Variants in DNAH11 observed in about 807,000 individuals in gnomAD.
DNAH11 encodes axonemal beta dynein heavy chain 11.
Under a neutral mutation model 526.0 loss-of-function variants are expected in DNAH11, and 442 were observed. The ratio of observed to expected loss-of-function variants is 0.84; its 90% confidence interval spans 0.78 to 0.91. DNAH11 has a LOEUF of 0.91. Among genes scored for constraint, DNAH11 ranks in the 40% least tolerant of loss-of-function variants. The pLI is 0.00. For missense variants in DNAH11, 6,989 were observed against 5,448.7 expected (o/e 1.28, Z -8.90); for synonymous variants, 2,461 against 1,935.9 (o/e 1.27, Z -7.12).
intron 40 of DNAH11, among the ~76,000 whole-genome samples, chr7:21,708,680 A>C (rs1337985722): frequency 6.6e-6 from 1 of 152,078 alleles, no homozygotes. Flanking sequence ...ACTTACTATA[A>C]GCCATTCATT....
At chr7:21,869,373 T>A (rs1783412269) in intron 73 of DNAH11, among the ~76,000 whole-genome samples, 1 of 151,960 alleles carries the variant, frequency 6.6e-6, no homozygotes, top group African/African-American at 2.4e-5. Flanking sequence ...TTTTAATGTA[T>A]ATTGTTGTTG....
At chr7:21,867,743 A>C in intron 71 of DNAH11, 116 bp from the exon 72 acceptor site, 1 of 866,250 alleles carries the variant, frequency 1.2e-6, no homozygotes, top group Admixed American at 2.4e-5. Context: ...AAGACATCCC[A>C]TGTAATAAAC....
chr7:21,547,163 C>G (rs1352250548), intron 2 of DNAH11, among the ~76,000 whole-genome samples: 1 of 152,106 alleles, frequency 6.6e-6, no homozygotes, highest in African/African-American at 2.4e-5. Context: ...CATCCCAGGT[C>G]TATTTGTTTT....
At chr7:21,597,783 T>G (rs927038441) in intron 14 of DNAH11, among the ~76,000 whole-genome samples, 1 of 152,212 alleles carries the variant, frequency 6.6e-6, no homozygotes, top group Non-Finnish European at 1.5e-5. Context: ...TATTAATATC[T>G]TTAAGATGAG....
intron 34 of DNAH11, 61 bp from the exon 35 acceptor site, chr7:21,690,704 G>A (rs981868586): frequency 2.3e-5 from 29 of 1,272,276 alleles, no homozygotes; most frequent in Admixed American, 1.2e-4. Context: ...GTTTGCATTT[G>A]TCAATGTGCA....
At chr7:21,857,382 G>A (rs1006199366) in intron 68 of DNAH11, among the ~76,000 whole-genome samples, 1 of 152,120 alleles carries the variant, frequency 6.6e-6, no homozygotes, top group Non-Finnish European at 1.5e-5. Context: ...TAAGATGTCA[G>A]TTCGCTCCAA....
chr7:21,884,294 C>T lies in DNAH11; in HGVS notation c.12391C>T (p.Pro4131Ser). ...ATTTGTGTGGTTTTCTCCACAGGTC[C>T]CATGGGAAGATCTCCGTTATCTCTT... ...YNYLEANSKVPWEDLRYLFGE... is the reference protein window; with the variant it reads ...YNYLEANSKVSWEDLRYLFGE... Residue 4131 changes from proline (P) to serine (S), a missense_variant, in exon 76 of 82, where the codon CCA becomes TCA. Pro to Ser is a moderately conservative substitution (Grantham distance 74). Transcript: ENST00000409508. 6.2e-7 allele frequency: 1 copy of T among 1,605,128 alleles called. No homozygotes were observed. The highest frequency in any genetic ancestry group is 8.5e-7 in the Non-Finnish European group (1 of 1,176,446).
At chr7:21,841,296 T>C (rs1350646878) in intron 65 of DNAH11, among the ~76,000 whole-genome samples, 1 of 152,186 alleles carries the variant, frequency 6.6e-6, no homozygotes, top group Non-Finnish European at 1.5e-5. Context: ...TTAAGATGCA[T>C]TATACATATA....
intron 27 of DNAH11, among the ~76,000 whole-genome samples, chr7:21,638,250 C>A (rs73682658): frequency 5.9e-5 from 9 of 152,016 alleles, no homozygotes; most frequent in African/African-American, 2.2e-4. Flanking sequence ...TGTGGAAGTG[C>A]GATCCTTTTT....
At chr7:21,835,740 A>G (rs984659398) in intron 65 of DNAH11, among the ~76,000 whole-genome samples, 1 of 152,096 alleles carries the variant, frequency 6.6e-6, no homozygotes, top group Non-Finnish European at 1.5e-5. Context: ...TATTCAGCAC[A>G]ATACTGGAAG....
intron 2 of DNAH11, among the ~76,000 whole-genome samples, chr7:21,556,960 C>T (rs1241203757): frequency 6.6e-6 from 1 of 151,856 alleles, no homozygotes; most frequent in Non-Finnish European, 1.5e-5. Flanking sequence ...ACTCGGGAGG[C>T]TGAGGCAGGA....
intron 63 of DNAH11, among the ~76,000 whole-genome samples, chr7:21,808,814 T>C (rs1316739141): frequency 2.0e-5 from 3 of 152,204 alleles, no homozygotes; most frequent in Non-Finnish European, 4.4e-5. Flanking sequence ...TTCCGTGTCT[T>C]GGCTATTGTG....
At chr7:21,841,492 G>A (rs1034329116) in intron 65 of DNAH11, among the ~76,000 whole-genome samples, 4 of 152,120 alleles carry the variant, frequency 2.6e-5, no homozygotes, top group South Asian at 4.1e-4. Flanking sequence ...GTTTGCACAC[G>A]TTCCCCATGT....
rs1312758097 is a variant in DNAH11 at position 21,853,881 on chromosome 7, A to AT, written c.11062-432dup. On this transcript the variant is annotated intron_variant, in intron 67 of 81. Coordinates refer to ENST00000409508, the MANE Select transcript of DNAH11 (RefSeq NM_001277115.2). Reference sequence around the variant, plus strand: ...TTAGTAAGCATAAGTTACTGGGTATATTATTGACCTTGACTGCTTTTGTAT... The same window carrying AT: ...TTAGTAAGCATAAGTTACTGGGTATATTTATTGACCTTGACTGCTTTTGTAT... 1.2e-4 allele frequency among the ~76,000 whole-genome samples: 19 copies of AT among 152,336 alleles called. No individual in the cohort carries two copies. The South Asian group carries it at 2.1e-3, about 17-fold the overall frequency.
At position 21,564,195 on chromosome 7, in the gene DNAH11, A is replaced by G; in HGVS notation, c.992A>G (p.Glu331Gly). Residue 331 changes from glutamate (E) to glycine (G), a missense_variant, in exon 6 of 82, where the codon GAA becomes GGA. Physicochemically the swap from Glu to Gly is moderately conservative, Grantham distance 98 (BLOSUM62 -2). Transcript: ENST00000409508. ...GGTTCTTTGCTTTCAGCTCTTCTCGAAGCCCAAGATGTGGAACTTTACCTG... is the reference window on the plus strand; with the variant it reads ...GGTTCTTTGCTTTCAGCTCTTCTCGGAGCCCAAGATGTGGAACTTTACCTG... ...IFLAVENALL[E>G]AQDVELYLRP... 1.3e-6 allele frequency: 2 copies of G among 1,574,222 alleles called. No homozygotes were observed. Among genetic ancestry groups the G allele is most frequent in the African/African-American group, 2.7e-5 (2 of 73,130 alleles).
At chr7:21,843,563 C>G (rs1782299221) in intron 66 of DNAH11, among the ~76,000 whole-genome samples, 2 of 151,400 alleles carry the variant, frequency 1.3e-5, no homozygotes, top group Admixed American at 1.3e-4. Context: ...TCACTGCAAC[C>G]TCCGCCTCCT....
intron 30 of DNAH11, among the ~76,000 whole-genome samples, chr7:21,670,884 G>A (rs1782617270): frequency 6.6e-6 from 1 of 151,826 alleles, no homozygotes; most frequent in African/African-American, 2.4e-5. Flanking sequence ...GTGTGTGTGT[G>A]TGTGTGTGTA....
At chr7:21,564,911 A>T (rs199799234) in intron 6 of DNAH11, among the ~76,000 whole-genome samples, 3 of 150,478 alleles carry the variant, frequency 2.0e-5, no homozygotes, top group African/African-American at 7.4e-5. Context: ...AAAAAAAAAA[A>T]TTTAAAAAAA....
intron 63 of DNAH11, among the ~76,000 whole-genome samples, chr7:21,809,766 A>G (rs981160464): frequency 1.3e-5 from 2 of 151,600 alleles, no homozygotes; most frequent in African/African-American, 4.9e-5. Context: ...GGGTTTTACC[A>G]TGTTGCCCAG....
Sources: allele counts gnomAD v4.1 joint callset (sites outside exome capture counted in the v4.1 genomes callset), GRCh38; gene constraint gnomAD v4.1.1; transcripts MANE v1.5; gene names NCBI Gene and HGNC (gene_info 2026-07-23, HGNC 2026-07-21).